The following TMEM131L variants were observed in gnomAD, a reference collection of about 807,000 sequenced individuals.
The protein encoded by TMEM131L is transmembrane 131 like.
In TMEM131L, 54 loss-of-function variants were observed where a neutral mutation model predicts 192.2. The observed-to-expected ratio is 0.28, with a 90% CI of 0.23 to 0.35. TMEM131L has a LOEUF of 0.35. TMEM131L is among the 10% of genes least tolerant of loss of function. The pLI is 1.00. For missense variants in TMEM131L, 1,888 were observed against 1,972.9 expected (o/e 0.96, Z 0.82); for synonymous variants, 701 against 704.9 (o/e 0.99, Z 0.09).
chr4:153,483,104 C>A (rs926772907), intron 3 of TMEM131L, among the ~76,000 whole-genome samples: 1 of 152,036 alleles, frequency 6.6e-6, no homozygotes, highest in Admixed American at 6.6e-5. Context: ...TCGTTAATGT[C>A]AACTTTCCTG....
intron 21 of TMEM131L, among the ~76,000 whole-genome samples, chr4:153,601,649 A>G (rs1731846786): frequency 1.3e-5 from 2 of 152,238 alleles, no homozygotes; most frequent in South Asian, 4.1e-4. Context: ...CAAACTCAGT[A>G]TAAAATGTGT....
At chr4:153,510,529 A>G (rs555963880) in intron 3 of TMEM131L, among the ~76,000 whole-genome samples, 301 of 152,250 alleles carry the variant, frequency 2.0e-3, no homozygotes, top group African/African-American at 7.0e-3. Flanking sequence ...CTGCTGGGAA[A>G]GTGAGTGACT....
chr4:153,553,919 A>T lies in TMEM131L; in HGVS notation c.309-1868A>T, dbSNP rs112593438. ...TTAAAAATAGAATCTAAAAAATAGA[A>T]TAAAAATAGCAGTGGTGACTAGGCT... On this transcript the variant is annotated intron_variant, in intron 4 of 34. Transcript: ENST00000409959. 6.4e-3 allele frequency among the ~76,000 whole-genome samples: 971 copies of T among 152,346 alleles called. 7 individuals are homozygous for T. Among genetic ancestry groups the T allele is most frequent in the African/African-American group, 0.022 (917 of 41,560 alleles).
At chr4:153,577,317 AT>A (rs1201517621) in intron 7 of TMEM131L, among the ~76,000 whole-genome samples, 1 of 152,244 alleles carries the variant, frequency 6.6e-6, no homozygotes, top group Non-Finnish European at 1.5e-5. Flanking sequence ...AAATAGTGGC[AT>A]GACCAGATTT....
At chr4:153,583,857 T>G (rs1730527626) in intron 11 of TMEM131L, among the ~76,000 whole-genome samples, 185 bp downstream of exon 11, 1 of 152,268 alleles carries the variant, frequency 6.6e-6, no homozygotes, top group African/African-American at 2.4e-5. Context: ...GATGCCACTT[T>G]TATTCTGCCA....
chr4:153,619,623 A>T (rs1337686423), intron 26 of TMEM131L, among the ~76,000 whole-genome samples: 22 of 152,264 alleles, frequency 1.4e-4, no homozygotes, highest in Non-Finnish European at 4.4e-5. Flanking sequence ...TGGTGTGCAC[A>T]TTGCTTTAAT....
Position 153,591,182 on chromosome 4 carries a change from TAGG to T in TMEM131L, c.1803_1805del (p.Arg601del), listed in dbSNP as rs765014022. 6.2e-7 allele frequency: 1 copy of T among 1,605,186 alleles called. No homozygotes were observed. The highest frequency in any genetic ancestry group is 8.5e-7 in the Non-Finnish European group (1 of 1,175,104). On this transcript the variant is annotated inframe_deletion, in exon 17 of 35. Coordinates refer to ENST00000409959, the MANE Select transcript of TMEM131L (RefSeq NM_001131007.2). ...TGTTAAACTTCAGCGCAACTGCCCT[TAGG>T]AGCAGGATGGTGAGGACAGTGTGTC... is the stretch of plus-strand genomic sequence containing the variant.
chr4:153,483,300 CTATT>C (rs1732073034), intron 3 of TMEM131L, among the ~76,000 whole-genome samples: 2 of 152,196 alleles, frequency 1.3e-5, no homozygotes, highest in South Asian at 4.1e-4. Context: ...AGTGGCTTGA[CTATT>C]TATTGCTACA....
At position 153,603,864 on chromosome 4, in the gene TMEM131L, G is replaced by A; in HGVS notation, c.2852G>A (p.Cys951Tyr). 3.1e-6 allele frequency: 5 copies of A among 1,613,676 alleles called. No individual in the cohort carries two copies. The highest frequency in any genetic ancestry group is 4.2e-6 in the Non-Finnish European group (5 of 1,179,808). ...GPSDKGRGKN[C>Y]LPVNTPQSRI... ...TCTGATAAAGGCAGGGGGAAGAACT[G>A]CCTTCCAGTGAACACTCCCCAAAGC... is the stretch of plus-strand genomic sequence containing the variant. The change falls in exon 25 of 35, where the codon TGC becomes TAC. Residue 951 changes from cysteine (C) to tyrosine (Y), a missense_variant. Cys to Tyr is a radical substitution (Grantham distance 194, BLOSUM62 -2). Coordinates refer to ENST00000409959, the MANE Select transcript of TMEM131L (RefSeq NM_001131007.2).
chr4:153,515,802 T>G (rs1384105180), intron 3 of TMEM131L, among the ~76,000 whole-genome samples: 5 of 152,218 alleles, frequency 3.3e-5, no homozygotes. Flanking sequence ...TGCGATGTGG[T>G]ATCATTGTTT....
chr4:153,479,587 A>G (rs982558009), intron 3 of TMEM131L, among the ~76,000 whole-genome samples: 6 of 152,328 alleles, frequency 3.9e-5, no homozygotes, highest in African/African-American at 1.4e-4. Flanking sequence ...CAGGTTTTAA[A>G]ATGCGTACAA....
At chr4:153,551,521 A>G (rs1315231792) in intron 4 of TMEM131L, among the ~76,000 whole-genome samples, 3 of 151,940 alleles carry the variant, frequency 2.0e-5, no homozygotes, top group Non-Finnish European at 4.4e-5. Flanking sequence ...CCACGCCTGT[A>G]ATTTTTGTAT....
At chr4:153,487,866 A>G (rs192532087) in intron 3 of TMEM131L, among the ~76,000 whole-genome samples, 1 of 147,470 alleles carries the variant, frequency 6.8e-6, no homozygotes, top group East Asian at 2.1e-4. Flanking sequence ...AGAGAGAGTG[A>G]GAGAGACAAA....
chr4:153,584,529 T>C (rs776588152), intron 11 of TMEM131L, among the ~76,000 whole-genome samples: 2 of 152,228 alleles, frequency 1.3e-5, no homozygotes, highest in Non-Finnish European at 2.9e-5. Flanking sequence ...TCCCTTTTGC[T>C]CTTTAGGTTT....
intron 3 of TMEM131L, among the ~76,000 whole-genome samples, chr4:153,538,587 G>A (rs904544991): frequency 9.8e-5 from 15 of 152,320 alleles, no homozygotes; most frequent in South Asian, 6.2e-4. Flanking sequence ...GCTTCTGGCC[G>A]CCCTGAAAGG....
In TMEM131L at chr4:153,634,284, AG is replaced by A. The variant is rs200904723; in HGVS notation, c.4417+7del. 5,462 of 1,605,936 alleles carry A rather than the reference AG, an allele frequency of 3.4e-3. 146 individuals are homozygous for A. In the African/African-American group the frequency reaches 0.061, roughly 18 times the overall value. Reference sequence around the variant, plus strand: ...GATTACAATGCCTTTCCAGAAGGTAAGGGCTCTTCAGACAATCCCAACGCCA... The same window carrying A: ...GATTACAATGCCTTTCCAGAAGGTAAGGCTCTTCAGACAATCCCAACGCCA... On this transcript the variant is annotated splice_donor_5th_base_variant and intron_variant, in intron 33 of 34. Transcript: ENST00000409959.
chr4:153,500,615 A>G (rs1486946907), intron 3 of TMEM131L, among the ~76,000 whole-genome samples: 1 of 152,332 alleles, frequency 6.6e-6, no homozygotes, highest in Middle Eastern at 3.4e-3. Context: ...AACACAAACA[A>G]AAACCTTTGG....
chr4:153,506,095 G>A (rs757543122), intron 3 of TMEM131L, among the ~76,000 whole-genome samples: 4 of 152,054 alleles, frequency 2.6e-5, no homozygotes, highest in African/African-American at 9.7e-5. Flanking sequence ...TAGTAGAGTC[G>A]AACTAATATT....
chr4:153,500,547 C>G (rs865783011), intron 3 of TMEM131L, among the ~76,000 whole-genome samples: 2 of 152,176 alleles, frequency 1.3e-5, no homozygotes, highest in African/African-American at 2.4e-5. Flanking sequence ...TTCATTAGCA[C>G]TTCTAGTAGC....
Sources: gnomAD v4.1 joint callset for allele counts (sites outside exome capture counted in the v4.1 genomes callset) on GRCh38, gnomAD v4.1.1 for gene constraint, MANE v1.5 for transcripts, NCBI Gene and HGNC (gene_info 2026-07-23, HGNC 2026-07-21) for gene names.